Variants in IGFL2 observed in about 807,000 individuals in gnomAD.
IGFL2 encodes the protein insulin growth factor-like family member 2.
In IGFL2, 7 loss-of-function variants were observed where a neutral mutation model predicts 13.9. The ratio of observed to expected loss-of-function variants is 0.51; its 90% CI spans 0.29 to 0.95. The LOEUF (loss-of-function observed/expected upper bound fraction) is 0.95, where lower values mean the gene tolerates loss of function less well. Among genes scored for constraint, IGFL2 ranks in the 40% least tolerant of loss-of-function variants. The probability of loss-of-function intolerance (pLI) is 0.08; values close to 1 mark genes in which losing one functional copy is unlikely to be tolerated. For synonymous variants in IGFL2, 55 were observed against 55.8 expected (o/e 0.99, Z 0.07); for missense variants, 138 against 147.8 (o/e 0.93, Z 0.34).
At chr19:46,107,758 C>T in the IGFL2 span, among the ~76,000 whole-genome samples, 5 of 152,018 alleles carry the variant, frequency 3.3e-5, no homozygotes, top group Non-Finnish European at 5.9e-5. Context: ...TTTCTAATAT[C>T]GGGACTGGAT....
At chr19:46,110,141 C>T in the IGFL2 span, among the ~76,000 whole-genome samples, 1 of 152,216 alleles carries the variant, frequency 6.6e-6, no homozygotes, top group Non-Finnish European at 1.5e-5. Flanking sequence ...GGCCACATAG[C>T]AAGAGACACA....
the IGFL2 span, chr19:46,137,650 G>A: frequency 1.4e-6 from 1 of 690,828 alleles, no homozygotes; most frequent in Non-Finnish European, 2.5e-6. Flanking sequence ...CCCAGGATGG[G>A]GACACCTATG....
the IGFL2 span, among the ~76,000 whole-genome samples, chr19:46,118,903 C>G: frequency 1.3e-5 from 2 of 152,162 alleles, no homozygotes; most frequent in East Asian, 3.9e-4. Flanking sequence ...GTGCCCTGCC[C>G]TTGGCCTCAG....
At chr19:46,146,126 A>G (rs991383292), upstream of IGFL2, among the ~76,000 whole-genome samples, 1 of 151,636 alleles carries the variant, frequency 6.6e-6, no homozygotes, top group Admixed American at 6.6e-5. Context: ...TAACTTTTGT[A>G]TAGAGTGTGA....
chr19:46,189,448 C>T, the IGFL2 span, among the ~76,000 whole-genome samples: 2 of 152,124 alleles, frequency 1.3e-5, no homozygotes, highest in Non-Finnish European at 2.9e-5. Context: ...AGGCCCTCCA[C>T]AAGAGGTGGT....
chr19:46,168,525 T>C, the IGFL2 span, among the ~76,000 whole-genome samples: 3 of 152,212 alleles, frequency 2.0e-5, no homozygotes, highest in African/African-American at 7.2e-5. Context: ...CAAGTAGCTA[T>C]AAATTAACCT....
upstream of IGFL2, among the ~76,000 whole-genome samples, chr19:46,142,031 C>G (rs1042763633): frequency 6.6e-6 from 1 of 152,162 alleles, no homozygotes; most frequent in African/African-American, 2.4e-5. Context: ...ATAATACTCT[C>G]ATAATTCTCT....
the IGFL2 span, chr19:46,123,855 CT>C: frequency 2.5e-6 from 4 of 1,578,422 alleles, no homozygotes; most frequent in Non-Finnish European, 3.4e-6. Context: ...TCCCTCATTC[CT>C]TTAGTTAAGA....
At chr19:46,119,492 TGCTGC>T in the IGFL2 span, among the ~76,000 whole-genome samples, 1 of 151,470 alleles carries the variant, frequency 6.6e-6, no homozygotes, top group African/African-American at 2.4e-5. Context: ...AGCCAGGGTA[TGCTGC>T]TCTGGGGCCT....
At chr19:46,187,019 G>C in the IGFL2 span, among the ~76,000 whole-genome samples, 2 of 152,240 alleles carry the variant, frequency 1.3e-5, no homozygotes, top group African/African-American at 4.8e-5. Flanking sequence ...TTAGAAAGGG[G>C]GGTTTCCTAA....
the IGFL2 span, among the ~76,000 whole-genome samples, chr19:46,131,886 C>T: frequency 6.6e-6 from 1 of 152,122 alleles, no homozygotes; most frequent in Admixed American, 6.5e-5. Flanking sequence ...TTGCAGTGAG[C>T]CAATATTATG....
the IGFL2 span, chr19:46,197,067 CA>C: frequency 4.5e-6 from 1 of 220,054 alleles, no homozygotes; most frequent in African/African-American, 2.3e-5. Flanking sequence ...CAGCCACAGG[CA>C]AGATGTGGGG....
chr19:46,079,143 C>G, the IGFL2 span, among the ~76,000 whole-genome samples: 2 of 152,232 alleles, frequency 1.3e-5, no homozygotes, highest in African/African-American at 4.8e-5. Context: ...GTAGACATCG[C>G]GCAGGCGATG....
At chr19:46,186,308 G>A in the IGFL2 span, among the ~76,000 whole-genome samples, 1 of 152,216 alleles carries the variant, frequency 6.6e-6, no homozygotes, top group African/African-American at 2.4e-5. Context: ...CATGCCACTT[G>A]TCGGGCGCCA....
chr19:46,171,676 A>G, the IGFL2 span, among the ~76,000 whole-genome samples: 1 of 152,122 alleles, frequency 6.6e-6, no homozygotes, highest in African/African-American at 2.4e-5. Flanking sequence ...GGTCTAGTCT[A>G]TTGTTGACTT....
At chr19:46,152,266 G>GTTTTTTTTTT (rs55934631) in intron 1 of IGFL2, among the ~76,000 whole-genome samples, 1 of 134,006 alleles carries the variant, frequency 7.5e-6, no homozygotes, top group Non-Finnish European at 1.6e-5. Flanking sequence ...GCTTCCTTAG[G>GTTTTTTTTTT]TTTTTTTTTT....
the IGFL2 span, among the ~76,000 whole-genome samples, chr19:46,109,924 A>G: frequency 4.0e-5 from 6 of 148,230 alleles, no homozygotes; most frequent in African/African-American, 1.2e-4. Context: ...GGATGTATAC[A>G]TGCGGGTCAC....
chr19:46,166,667 C>T, the IGFL2 span, among the ~76,000 whole-genome samples: 43 of 152,284 alleles, frequency 2.8e-4, no homozygotes, highest in African/African-American at 9.1e-4. Context: ...CCATAAGAGA[C>T]AGGTACGCCC....
At chr19:46,145,598 A>G (rs867285725), upstream of IGFL2, among the ~76,000 whole-genome samples, 1,803 of 138,402 alleles carry the variant, frequency 0.013, 41 homozygotes, top group African/African-American at 0.051. Flanking sequence ...ACACTCATAT[A>G]TATGTGTGTG....
Sources: gnomAD v4.1 joint callset for allele counts (sites outside exome capture counted in the v4.1 genomes callset) on GRCh38, gnomAD v4.1.1 for gene constraint, MANE v1.5 for transcripts, NCBI Gene and HGNC (gene_info 2026-07-23, HGNC 2026-07-21) for gene names.